FOLH1: variants seen among roughly 807,000 people sequenced by gnomAD.
FOLH1 encodes the protein folate hydrolase 1.
A neutral mutation model predicts 93.9 loss-of-function variants in FOLH1; 54 were observed. That is an observed-to-expected ratio of 0.57 (90% CI 0.46 to 0.72). The LOEUF is 0.72. Ranked by LOEUF, FOLH1 falls within the 30% of genes least tolerant of loss-of-function variation. The probability of loss-of-function intolerance (pLI) is 0.00; values close to 1 mark genes in which losing one functional copy is unlikely to be tolerated. For synonymous variants in FOLH1, 249 were observed against 303.6 expected (o/e 0.82, Z 1.87); for missense variants, 571 against 892.5 (o/e 0.64, Z 4.59).
At chr11:49,179,314 T>C (rs1471086258) in intron 7 of FOLH1, among the ~76,000 whole-genome samples, 1 of 152,220 alleles carries the variant, frequency 6.6e-6, no homozygotes, top group African/African-American at 2.4e-5. Flanking sequence ...ATGGAGCATT[T>C]TTCATAATAA....
Position 49,173,716 on chromosome 11 carries a change from C to T in FOLH1, c.1106-240G>A, listed in dbSNP as rs145135265. On this transcript the variant is annotated intron_variant, in intron 9 of 18. Transcript: ENST00000256999. ...CAATGTATTACTATAATTATAAGTA[C>T]TACATTAAGTAATTAAGAAAGTTTA... Among the ~76,000 whole-genome samples, 19 of 152,132 alleles carry T rather than the reference C, an allele frequency of 1.2e-4. No individual in the cohort carries two copies. The East Asian group carries it at 3.7e-3, about 29-fold the overall frequency.
intron 4 of FOLH1, among the ~76,000 whole-genome samples, chr11:49,188,052 T>C (rs946945077): frequency 6.6e-6 from 1 of 152,238 alleles, no homozygotes; most frequent in African/African-American, 2.4e-5. Flanking sequence ...AATTATCAAC[T>C]AGCATTCTAA....
intron 7 of FOLH1, among the ~76,000 whole-genome samples, chr11:49,182,054 C>A (rs555049777): frequency 1.8e-4 from 28 of 152,192 alleles, no homozygotes; most frequent in African/African-American, 6.0e-4. Flanking sequence ...GGTGGCTGGG[C>A]GCAGTGCCTC....
intron 3 of FOLH1, among the ~76,000 whole-genome samples, chr11:49,193,130 T>TA (rs971184207): frequency 1.3e-5 from 2 of 151,696 alleles, no homozygotes; most frequent in South Asian, 2.1e-4. Context: ...GAAACAAAGC[T>TA]AAAAAAACCC....
At chr11:49,149,466 A>G (rs1856217332) in intron 17 of FOLH1, among the ~76,000 whole-genome samples, 1 of 152,136 alleles carries the variant, frequency 6.6e-6, no homozygotes, top group Admixed American at 6.6e-5. Flanking sequence ...CCCCTTTCAC[A>G]TCTTAGTCTT....
intron 3 of FOLH1, among the ~76,000 whole-genome samples, chr11:49,195,147 C>T (rs202700): frequency 0.36 from 55,214 of 151,776 alleles, 11,261 homozygotes; most frequent in African/African-American, 0.56. Context: ...TCTATAAAAA[C>T]TGAGCACATA....
intron 13 of FOLH1, among the ~76,000 whole-genome samples, chr11:49,163,625 A>G (rs1436580761): frequency 6.6e-6 from 1 of 151,624 alleles, no homozygotes; most frequent in African/African-American, 2.4e-5. Flanking sequence ...CCTGCAGACC[A>G]TCACTGCTCA....
intron 13 of FOLH1, among the ~76,000 whole-genome samples, chr11:49,164,207 G>GA (rs1858092222): frequency 2.0e-5 from 3 of 152,060 alleles, no homozygotes; most frequent in South Asian, 4.1e-4. Flanking sequence ...ATCCCTATCT[G>GA]AAAAAATGTA....
Position 49,199,037 on chromosome 11 carries a change from C to T in FOLH1, c.411+1218G>A, listed in dbSNP as rs546691883. Among the ~76,000 whole-genome samples, 30 of 152,064 alleles carry T rather than the reference C, an allele frequency of 2.0e-4. No homozygotes were observed. In the East Asian group the frequency reaches 4.1e-3, roughly 21 times the overall value. ...TATCACTGACTGTAAAACATAACAACATATTAATCATTAAGAAGAGACTGA... is the reference window on the plus strand; with the variant it reads ...TATCACTGACTGTAAAACATAACAATATATTAATCATTAAGAAGAGACTGA... On this transcript the variant is annotated intron_variant, in intron 3 of 18. Transcript: ENST00000256999.
intron 15 of FOLH1, among the ~76,000 whole-genome samples, chr11:49,155,405 G>C (rs2134908167): frequency 6.6e-6 from 1 of 152,112 alleles, no homozygotes; most frequent in East Asian, 1.9e-4. Flanking sequence ...TAGCCCATGA[G>C]GAAAGGCTTA....
At position 49,171,292 on chromosome 11, in the gene FOLH1, T is replaced by C; in HGVS notation, c.1226-15A>G. ...AGGTCTCCACCCTAAAATGTATGTG[T>C]ATATATAAATGATAGAAAAAAAATT... On this transcript the variant is annotated splice_polypyrimidine_tract_variant and intron_variant, in intron 10 of 18. Transcript: ENST00000256999. 6.5e-7 allele frequency: 1 copy of C among 1,541,536 alleles called. No individual in the cohort carries two copies. Among genetic ancestry groups the C allele is most frequent in the African/African-American group, 1.4e-5 (1 of 70,174 alleles).
chr11:49,167,409 T>G (rs1231308637), intron 12 of FOLH1, among the ~76,000 whole-genome samples: 2 of 152,200 alleles, frequency 1.3e-5, no homozygotes, highest in Non-Finnish European at 2.9e-5. Flanking sequence ...TCCAGGCATC[T>G]GACGCCAAAG....
At position 49,171,440 on chromosome 11, in the gene FOLH1, T is replaced by C. The variant is rs547355640; in HGVS notation, c.1226-163A>G. ...CTTACGTAACTTTTTTTGTAAGATT[T>C]TAAAGTTGTCAATACAAAATAGCAC... On this transcript the variant is annotated intron_variant, in intron 10 of 18. Transcript: ENST00000256999. Among the ~76,000 whole-genome samples the C allele has an allele frequency of 2.6e-5, 4 of 152,146 alleles. No individual in the cohort carries two copies. The East Asian group carries it at 7.7e-4, about 29-fold the overall frequency.
chr11:49,178,332 G>C (rs980030676), intron 7 of FOLH1, among the ~76,000 whole-genome samples: 6 of 152,304 alleles, frequency 3.9e-5, no homozygotes, highest in African/African-American at 1.4e-4. Context: ...AATAACATCA[G>C]TTGCTTTGGG....
chr11:49,153,403 A>G (rs1341668377), intron 17 of FOLH1, among the ~76,000 whole-genome samples: 1 of 151,582 alleles, frequency 6.6e-6, no homozygotes, highest in East Asian at 1.9e-4. Context: ...TGAAAAATAA[A>G]TAGTCTGGCT....
chr11:49,206,877 G>A, intron 1 of FOLH1: 1 of 1,231,618 alleles, frequency 8.1e-7, no homozygotes, highest in Admixed American at 2.0e-5. Context: ...CTTTTAACCT[G>A]AAGGAGATAA....
intron 9 of FOLH1, among the ~76,000 whole-genome samples, chr11:49,173,785 T>C (rs1211869020): frequency 2.0e-5 from 3 of 150,550 alleles, no homozygotes; most frequent in Non-Finnish European, 4.4e-5. Flanking sequence ...TTACTTCTCT[T>C]ACCTAACTTA....
chr11:49,180,405 T>C (rs1860583327), intron 7 of FOLH1, among the ~76,000 whole-genome samples: 1 of 152,230 alleles, frequency 6.6e-6, no homozygotes, highest in African/African-American at 2.4e-5. Flanking sequence ...ACAGTATATA[T>C]GGTGTCCCCT....
chr11:49,172,606 A>T (rs1859469097), intron 10 of FOLH1, among the ~76,000 whole-genome samples: 1 of 152,214 alleles, frequency 6.6e-6, no homozygotes, highest in Non-Finnish European at 1.5e-5. Flanking sequence ...CTCAAAAAAA[A>T]AGTAAATACT....
Sources: gnomAD v4.1 joint callset for allele counts (sites outside exome capture counted in the v4.1 genomes callset) on GRCh38, gnomAD v4.1.1 for gene constraint, MANE v1.5 for transcripts, NCBI Gene and HGNC (gene_info 2026-07-23, HGNC 2026-07-21) for gene names.